Variants in GNB4 observed in about 807,000 individuals in gnomAD.
The protein encoded by GNB4 is guanine nucleotide-binding protein subunit beta-4.
Under a neutral mutation model 45.2 loss-of-function variants are expected in GNB4, and 28 were observed. The observed-to-expected ratio is 0.62, with a 90% CI of 0.46 to 0.85. The LOEUF (loss-of-function observed/expected upper bound fraction) is 0.85, where lower values mean the gene tolerates loss of function less well. Ranked by LOEUF, GNB4 falls within the 40% of genes least tolerant of loss-of-function variation. GNB4 has a pLI of 0.00. For missense variants in GNB4, 321 were observed against 425.4 expected (o/e 0.75, Z 2.16); for synonymous variants, 132 against 143.7 (o/e 0.92, Z 0.58).
chr3:179,485,134 C>A, the GNB4 span, among the ~76,000 whole-genome samples: 1 of 151,776 alleles, frequency 6.6e-6, no homozygotes, highest in Non-Finnish European at 1.5e-5. Flanking sequence ...CCTCACCCTC[C>A]CAAGTCGCTG....
intron 1 of GNB4, among the ~76,000 whole-genome samples, chr3:179,435,958 T>G (rs1330389124): frequency 6.6e-6 from 1 of 152,224 alleles, no homozygotes. Flanking sequence ...TTATGCAGGC[T>G]GTACAATTAT....
In GNB4 at chr3:179,427,469, G is replaced by A. The variant is rs549833726; in HGVS notation, c.-42-1227C>T. On this transcript the variant is annotated intron_variant, in intron 1 of 9. Coordinates refer to ENST00000232564, the MANE Select transcript of GNB4 (RefSeq NM_021629.4). ...AAATTACAAAAATTAGCTGGGTGTG[G>A]TGGCACATGACTGCAATCCCAGCTA... is the stretch of plus-strand genomic sequence containing the variant. Among the ~76,000 whole-genome samples the A allele has an allele frequency of 2.0e-3, 301 of 152,116 alleles. 2 individuals carry two copies. Among genetic ancestry groups the A allele is most frequent in the African/African-American group, 6.7e-3 (278 of 41,514 alleles).
At chr3:179,410,770 C>T (rs1714628224) in intron 8 of GNB4, among the ~76,000 whole-genome samples, 1 of 151,934 alleles carries the variant, frequency 6.6e-6, no homozygotes, top group South Asian at 2.1e-4. Context: ...ACCCACAGTC[C>T]CAGACTATCA....
the GNB4 span, among the ~76,000 whole-genome samples, chr3:179,485,434 CTGTA>C: frequency 6.6e-6 from 1 of 152,166 alleles, no homozygotes; most frequent in African/African-American, 2.4e-5. Flanking sequence ...TAGCCCTGTA[CTGTA>C]TGTCAACCCA....
the GNB4 span, among the ~76,000 whole-genome samples, chr3:179,496,615 G>A: frequency 2.0e-5 from 3 of 152,048 alleles, no homozygotes; most frequent in Non-Finnish European, 4.4e-5. Flanking sequence ...TAGCTGTAAG[G>A]ACACATAGGC....
At chr3:179,457,640 T>A in the GNB4 span, among the ~76,000 whole-genome samples, 1 of 152,190 alleles carries the variant, frequency 6.6e-6, no homozygotes. Flanking sequence ...TGTAAGTAGT[T>A]AATGTGCTCT....
the GNB4 span, among the ~76,000 whole-genome samples, chr3:179,520,412 G>A: frequency 6.6e-6 from 1 of 151,554 alleles, no homozygotes; most frequent in Non-Finnish European, 1.5e-5. Context: ...AGTGCAGTCA[G>A]AATTCTTACA....
chr3:179,512,973 C>G, the GNB4 span, among the ~76,000 whole-genome samples: 3 of 151,792 alleles, frequency 2.0e-5, no homozygotes, highest in Non-Finnish European at 2.9e-5. Flanking sequence ...AAGTTTCATG[C>G]TTTTTAATTT....
intron 1 of GNB4, chr3:179,438,038 C>CTAA (rs1460145452): frequency 1.3e-5 from 2 of 152,044 alleles, no homozygotes; most frequent in Non-Finnish European, 2.9e-5. Context: ...TGCCACTGCA[C>CTAA]TCTAGCCTGG....
chr3:179,511,371 G>GTATAAGATAA, the GNB4 span, among the ~76,000 whole-genome samples: 1 of 152,226 alleles, frequency 6.6e-6, no homozygotes, highest in Non-Finnish European at 1.5e-5. Flanking sequence ...AGTAACAACT[G>GTATAAGATAA]TATAAGATAA....
At chr3:179,408,588 C>A (rs1420924390) in intron 8 of GNB4, among the ~76,000 whole-genome samples, 3 of 151,860 alleles carry the variant, frequency 2.0e-5, no homozygotes, top group Non-Finnish European at 4.4e-5. Flanking sequence ...GTCAGGAGTT[C>A]AAGACCAGCC....
At chr3:179,500,411 C>G in the GNB4 span, among the ~76,000 whole-genome samples, 1 of 152,282 alleles carries the variant, frequency 6.6e-6, no homozygotes, top group South Asian at 2.1e-4. Context: ...GGCGTTATTT[C>G]TCAGCCCTCC....
chr3:179,481,025 G>A, the GNB4 span, among the ~76,000 whole-genome samples: 1 of 151,410 alleles, frequency 6.6e-6, no homozygotes, highest in East Asian at 2.0e-4. Flanking sequence ...TAATTTTTTT[G>A]TATTTTTAGT....
chr3:179,455,218 G>C (rs192097066), upstream of GNB4, among the ~76,000 whole-genome samples: 16 of 152,308 alleles, frequency 1.1e-4, no homozygotes, highest in Admixed American at 1.0e-3. Context: ...ACAGGCATGG[G>C]AGAGGGAACT....
At chr3:179,504,371 C>G in the GNB4 span, among the ~76,000 whole-genome samples, 1 of 152,026 alleles carries the variant, frequency 6.6e-6, no homozygotes, top group Non-Finnish European at 1.5e-5. Context: ...AAGTTGTAAA[C>G]AAAAGGACAT....
At chr3:179,474,136 C>T in the GNB4 span, among the ~76,000 whole-genome samples, 3 of 152,072 alleles carry the variant, frequency 2.0e-5, no homozygotes, top group South Asian at 6.2e-4. Context: ...GCTTAGTGAG[C>T]TATGATTGTG....
chr3:179,512,481 A>G, the GNB4 span, among the ~76,000 whole-genome samples: 1 of 152,222 alleles, frequency 6.6e-6, no homozygotes, highest in African/African-American at 2.4e-5. Flanking sequence ...TCAATCCAAG[A>G]AAAAGGCAAG....
chr3:179,474,252 T>G, the GNB4 span, among the ~76,000 whole-genome samples: 1 of 151,860 alleles, frequency 6.6e-6, no homozygotes, highest in African/African-American at 2.4e-5. Context: ...TTAGTTGGAG[T>G]CTTGCTCTGT....
chr3:179,403,653 C>T (rs544660458), intron 9 of GNB4, among the ~76,000 whole-genome samples: 110 of 151,950 alleles, frequency 7.2e-4, no homozygotes, highest in African/African-American at 2.4e-3. Flanking sequence ...ATTAGCTGGG[C>T]GTGGTGGTGT....
Sources: allele counts gnomAD v4.1 joint callset (sites outside exome capture counted in the v4.1 genomes callset), GRCh38; gene constraint gnomAD v4.1.1; transcripts MANE v1.5; gene names NCBI Gene and HGNC (gene_info 2026-07-23, HGNC 2026-07-21).